The following OR8B2 variants were observed in gnomAD, a reference collection of about 807,000 sequenced individuals.
OR8B2 encodes the protein olfactory receptor family 8 subfamily B member 2, also known as olfactory receptor 8B2.
For missense variants in OR8B2, 304 were observed against 379.6 expected (o/e 0.80, Z 1.65); for synonymous variants, 98 against 138.2 (o/e 0.71, Z 2.04).
At chr11:124,385,364 G>A (rs1018800184), upstream of OR8B2, among the ~76,000 whole-genome samples, 1 of 152,022 alleles carries the variant, frequency 6.6e-6, no homozygotes, top group African/African-American at 2.4e-5. Flanking sequence ...GATTCCCTTG[G>A]ACACTTCACC....
At chr11:124,395,116 T>G in the OR8B2 span, among the ~76,000 whole-genome samples, 1 of 148,502 alleles carries the variant, frequency 6.7e-6, no homozygotes, top group Non-Finnish European at 1.5e-5. Context: ...AAAGTTAATC[T>G]AAAAATGAAC....
chr11:124,386,029 T>A (rs920706872), upstream of OR8B2, among the ~76,000 whole-genome samples: 3 of 152,164 alleles, frequency 2.0e-5, no homozygotes, highest in African/African-American at 7.2e-5. Flanking sequence ...ATTGTGAGAA[T>A]GTTGGAGACT....
the OR8B2 span, chr11:124,395,584 A>G: frequency 6.6e-6 from 1 of 152,226 alleles, no homozygotes; most frequent in Non-Finnish European, 1.5e-5. Context: ...GTATTTACCT[A>G]TAACGAGTAA....
upstream of OR8B2, among the ~76,000 whole-genome samples, chr11:124,386,481 C>G (rs1196282208): frequency 4.4e-5 from 6 of 137,720 alleles, no homozygotes; most frequent in East Asian, 1.1e-3. Context: ...TTGTTCAATT[C>G]CCACCTATGA....
chr11:124,387,485 A>G (rs1425771196), upstream of OR8B2, among the ~76,000 whole-genome samples: 1 of 151,832 alleles, frequency 6.6e-6, no homozygotes, highest in Non-Finnish European at 1.5e-5. Context: ...ATGGCTAGCC[A>G]GTTTTCCCAG....
the OR8B2 span, among the ~76,000 whole-genome samples, chr11:124,391,367 G>A: frequency 1.7e-4 from 25 of 150,510 alleles, no homozygotes; most frequent in South Asian, 2.1e-4. Context: ...TAGACCACTA[G>A]CAAGACTAAT....
chr11:124,391,285 A>G, the OR8B2 span, among the ~76,000 whole-genome samples: 1 of 118,290 alleles, frequency 8.5e-6, no homozygotes, highest in Non-Finnish European at 2.0e-5. Flanking sequence ...AAGGAAATAC[A>G]GACAAAAAAA....
rs1203274582 is a variant in OR8B2 at position 124,383,062 on chromosome 11, A to G, written c.282T>C (p.Asn94=). Residue 94 remains asparagine (N), a synonymous_variant, in exon 2 of 2, where the codon AAT becomes AAC. Coordinates refer to ENST00000641451, the MANE Select transcript of OR8B2 (RefSeq NM_001005468.2). ...AAAACAGCCGAGTCATGCACCCAAC[A>G]TTGGAGATAATATTCTTTTTTGACA... ...NFVSKKNIIS[N]VGCMTRLFFF... The G allele has an allele frequency of 5.6e-6, 9 of 1,613,794 alleles. No homozygotes were observed. Among genetic ancestry groups the G allele is most frequent in the African/African-American group, 2.7e-5 (2 of 74,922 alleles).
chr11:124,386,251 ATT>A (rs756263467), upstream of OR8B2, among the ~76,000 whole-genome samples: 26 of 146,082 alleles, frequency 1.8e-4, no homozygotes, highest in East Asian at 3.0e-3. Context: ...GATTTGCTTC[ATT>A]TTTTTATTTT....
chr11:124,393,256 T>A, the OR8B2 span, among the ~76,000 whole-genome samples: 3 of 143,190 alleles, frequency 2.1e-5, no homozygotes, highest in Admixed American at 2.0e-4. Context: ...AAGCCAAAAT[T>A]GACAAATGGG....
chr11:124,382,797 G>A lies in OR8B2; in HGVS notation c.547C>T (p.Pro183Ser). The change falls in exon 2 of 2, where the codon CCC becomes TCC. Residue 183 changes from proline to serine, a missense_variant. By Grantham distance (74) the Pro-to-Ser change is moderately conservative. Coordinates refer to ENST00000641451, the MANE Select transcript of OR8B2 (RefSeq NM_001005468.2). Reference sequence around the variant, plus strand: ...CTGGTGCAGGAAAGCTGGAGGAGGGGGAGTATGTCACACAAGTAATGGTTG... The same window carrying A: ...CTGGTGCAGGAAAGCTGGAGGAGGGAGAGTATGTCACACAAGTAATGGTTG... ...IINHYLCDIL[P>S]LLQLSCTSTY... 1.9e-6 allele frequency: 3 copies of A among 1,604,034 alleles called. No individual in the cohort carries two copies. The highest frequency in any genetic ancestry group is 2.6e-6 in the Non-Finnish European group (3 of 1,171,610).
the OR8B2 span, chr11:124,396,871 C>T: frequency 7.5e-6 from 12 of 1,606,610 alleles, no homozygotes; most frequent in South Asian, 6.6e-5. Flanking sequence ...AGCATGCACC[C>T]GGTGTGGGCC....
the OR8B2 span, among the ~76,000 whole-genome samples, chr11:124,391,698 T>G: frequency 6.6e-6 from 1 of 152,000 alleles, no homozygotes; most frequent in African/African-American, 2.4e-5. Context: ...GAGGAACTGG[T>G]ACCATTCCTT....
chr11:124,386,720 G>A (rs1486464804), upstream of OR8B2, among the ~76,000 whole-genome samples: 3 of 151,890 alleles, frequency 2.0e-5, no homozygotes, highest in African/African-American at 2.4e-5. Flanking sequence ...GTAAACATAC[G>A]TGTGCATGTG....
rs922144073 is a variant in OR8B2, at chr11:124,382,708, A to G, written c.636T>C (p.Cys212=). ...TGAAAACATAAGAAATGAGGATGGT[A>G]CAACTGGGTACCGTGATATTAGTAC... ...VVGTNITVPS[C]TILISYVFIV... The change falls in exon 2 of 2, where the codon TGT becomes TGC. Residue 212 remains cysteine (C), a synonymous_variant. Transcript: ENST00000641451. The G allele has an allele frequency of 1.9e-6, 3 of 1,613,798 alleles. No individual in the cohort carries two copies. The African/African-American group carries it at 4.0e-5, about 22-fold the overall frequency.
At chr11:124,385,806 T>C (rs1008226408), upstream of OR8B2, among the ~76,000 whole-genome samples, 3 of 151,888 alleles carry the variant, frequency 2.0e-5, no homozygotes, top group African/African-American at 7.3e-5. Context: ...AATTTTTTAA[T>C]TTTTTGTAGG....
chr11:124,387,888 T>C (rs1860726479), upstream of OR8B2, among the ~76,000 whole-genome samples: 2 of 150,642 alleles, frequency 1.3e-5, no homozygotes, highest in South Asian at 2.1e-4. Flanking sequence ...TTCCTACCCA[T>C]GAGCATGGAA....
At chr11:124,389,867 A>G in the OR8B2 span, among the ~76,000 whole-genome samples, 2 of 152,182 alleles carry the variant, frequency 1.3e-5, no homozygotes, top group Non-Finnish European at 2.9e-5. Context: ...CCTAAAGAGG[A>G]TATTTAAACA....
chr11:124,397,060 T>C, the OR8B2 span: 1 of 1,613,950 alleles, frequency 6.2e-7, no homozygotes, highest in Non-Finnish European at 8.5e-7. Flanking sequence ...AGCTGAGTCA[T>C]GCACCCAACA....
Sources: gnomAD v4.1 joint callset for allele counts (sites outside exome capture counted in the v4.1 genomes callset) on GRCh38, gnomAD v4.1.1 for gene constraint, MANE v1.5 for transcripts, NCBI Gene and HGNC (gene_info 2026-07-23, HGNC 2026-07-21) for gene names.